The following TRPC4 variants were observed in gnomAD, a reference collection of about 807,000 sequenced individuals.
TRPC4 encodes the protein transient receptor potential cation channel subfamily C member 4.
In TRPC4, 49 loss-of-function variants were observed where a neutral mutation model predicts 99.4. The observed-to-expected ratio is 0.49, with a 90% CI of 0.39 to 0.63. TRPC4 has a LOEUF of 0.63. Among genes scored for constraint, TRPC4 ranks in the 20% least tolerant of loss-of-function variants. The probability of loss-of-function intolerance (pLI) is 0.00; values close to 1 mark genes in which losing one functional copy is unlikely to be tolerated. For synonymous variants in TRPC4, 454 were observed against 425.9 expected (o/e 1.07, Z -0.81); for missense variants, 898 against 1,152.9 (o/e 0.78, Z 3.20).
At chr13:37,755,910 C>T (rs7324328) in intron 2 of TRPC4, among the ~76,000 whole-genome samples, 16,322 of 151,948 alleles carry the variant, frequency 0.11, 973 homozygotes, top group Admixed American at 0.17. Flanking sequence ...GTGCTAAGTT[C>T]TTTAGCTTCC....
At chr13:37,676,062 C>A (rs1374085555) in intron 4 of TRPC4, among the ~76,000 whole-genome samples, 1 of 152,112 alleles carries the variant, frequency 6.6e-6, no homozygotes, top group African/African-American at 2.4e-5. Flanking sequence ...TTGCCTCAAA[C>A]CTCTACACTA....
chr13:37,786,126 T>C (rs761417942), intron 1 of TRPC4, among the ~76,000 whole-genome samples: 4 of 152,098 alleles, frequency 2.6e-5, no homozygotes, highest in Non-Finnish European at 4.4e-5. Flanking sequence ...AGATCTTTTG[T>C]TAACTTTTAT....
chr13:37,689,181 G>T (rs1953597002), intron 4 of TRPC4, among the ~76,000 whole-genome samples: 1 of 152,112 alleles, frequency 6.6e-6, no homozygotes, highest in African/African-American at 2.4e-5. Flanking sequence ...GGGGACTTTA[G>T]ATGTCATTCA....
At chr13:37,649,244 A>AT (rs540782651) in intron 8 of TRPC4, among the ~76,000 whole-genome samples, 308 of 152,204 alleles carry the variant, frequency 2.0e-3, no homozygotes, top group African/African-American at 7.0e-3. Flanking sequence ...TATTTCTTGC[A>AT]TTTTTCCCAT....
At chr13:37,772,714 A>G (rs920407559) in intron 2 of TRPC4, among the ~76,000 whole-genome samples, 2 of 151,718 alleles carry the variant, frequency 1.3e-5, no homozygotes, top group African/African-American at 2.4e-5. Flanking sequence ...AATTTATATC[A>G]AAAAAGGGTT....
rs186355364 is a variant in TRPC4, at chr13:37,697,305, G to T, written c.898-4970C>A. The stretch of plus-strand genomic sequence containing the variant: ...ATGTAACTGGATAACTTCATACAGA[G>T]CATTAGATAACTTGTTAAAAAGAGG... On this transcript the variant is annotated intron_variant, in intron 3 of 10. Transcript: ENST00000379705. Among the ~76,000 whole-genome samples, 10 of 152,242 alleles carry T rather than the reference G, an allele frequency of 6.6e-5. No individual in the cohort carries two copies. The East Asian group carries it at 1.9e-3, about 29-fold the overall frequency.
At chr13:37,736,790 G>A (rs980651917) in intron 3 of TRPC4, among the ~76,000 whole-genome samples, 38 of 151,882 alleles carry the variant, frequency 2.5e-4, no homozygotes, top group African/African-American at 8.2e-4. Flanking sequence ...GTGTACTGGC[G>A]CAATCATGGC....
intron 3 of TRPC4, among the ~76,000 whole-genome samples, chr13:37,698,440 C>A (rs1020390408): frequency 5.3e-5 from 8 of 151,760 alleles, no homozygotes; most frequent in African/African-American, 1.9e-4. Flanking sequence ...GGAGGACTAA[C>A]TTTTAATAAC....
At chr13:37,764,791 T>G (rs1361834510) in intron 2 of TRPC4, among the ~76,000 whole-genome samples, 1 of 146,096 alleles carries the variant, frequency 6.8e-6, no homozygotes, top group South Asian at 2.2e-4. Context: ...CTATCATTGA[T>G]AGATATAAAT....
At chr13:37,737,596 C>T (rs182859599) in intron 3 of TRPC4, among the ~76,000 whole-genome samples, 418 of 152,238 alleles carry the variant, frequency 2.7e-3, no homozygotes, top group Non-Finnish European at 5.2e-3. Flanking sequence ...ACCTCAGCTT[C>T]ACAAGTAGCT....
chr13:37,782,882 A>G, intron 2 of TRPC4, 74 bp downstream of exon 2: 1 of 1,314,806 alleles, frequency 7.6e-7, no homozygotes, highest in Non-Finnish European at 9.9e-7. Flanking sequence ...TCTAAAAAAA[A>G]AAAAAGAAAG....
At chr13:37,720,170 G>A (rs1018949608) in intron 3 of TRPC4, among the ~76,000 whole-genome samples, 1 of 152,110 alleles carries the variant, frequency 6.6e-6, no homozygotes, top group Non-Finnish European at 1.5e-5. Flanking sequence ...TTTTAGCTCA[G>A]TGAGACTTGC....
chr13:37,834,643 T>A (rs993560690), intron 1 of TRPC4, among the ~76,000 whole-genome samples: 2 of 152,218 alleles, frequency 1.3e-5, no homozygotes, highest in Admixed American at 6.5e-5. Context: ...AACCTTTAGA[T>A]GAGTACAGTA....
chr13:37,717,576 A>G (rs1954721106), intron 3 of TRPC4, among the ~76,000 whole-genome samples: 1 of 152,138 alleles, frequency 6.6e-6, no homozygotes, highest in African/African-American at 2.4e-5. Flanking sequence ...GACAGTATTT[A>G]GAGATAAAGT....
intron 3 of TRPC4, among the ~76,000 whole-genome samples, chr13:37,697,539 G>T (rs1438610737): frequency 6.6e-6 from 1 of 152,186 alleles, no homozygotes; most frequent in Non-Finnish European, 1.5e-5. Flanking sequence ...TCTTGTGCTA[G>T]AAGGTTGTAA....
chr13:37,809,776 A>G (rs1957624666), intron 1 of TRPC4, among the ~76,000 whole-genome samples: 2 of 152,088 alleles, frequency 1.3e-5, no homozygotes, highest in Non-Finnish European at 2.9e-5. Context: ...TCCACTATGA[A>G]TCTGGAATGA....
At chr13:37,753,750 T>A (rs998479394) in intron 2 of TRPC4, among the ~76,000 whole-genome samples, 1 of 152,134 alleles carries the variant, frequency 6.6e-6, no homozygotes, top group African/African-American at 2.4e-5. Context: ...TTGTCTGGGA[T>A]GGAAAGGTGA....
chr13:37,716,373 A>G (rs1226338203), intron 3 of TRPC4, among the ~76,000 whole-genome samples: 3 of 152,202 alleles, frequency 2.0e-5, no homozygotes, highest in African/African-American at 7.2e-5. Flanking sequence ...TAAGTACATT[A>G]ATTTTAAAAC....
intron 4 of TRPC4, among the ~76,000 whole-genome samples, chr13:37,690,417 C>A (rs1044725135): frequency 6.6e-6 from 1 of 152,176 alleles, no homozygotes; most frequent in Non-Finnish European, 1.5e-5. Context: ...CAGGCTCAAA[C>A]TATTCTCCTG....
Sources: allele counts gnomAD v4.1 joint callset (sites outside exome capture counted in the v4.1 genomes callset), GRCh38; gene constraint gnomAD v4.1.1; transcripts MANE v1.5; gene names NCBI Gene and HGNC (gene_info 2026-07-23, HGNC 2026-07-21).